CDYL2: variants seen among roughly 807,000 people sequenced by gnomAD.
CDYL2 encodes the protein chromodomain Y like 2.
In CDYL2, 23 loss-of-function variants were observed where a neutral mutation model predicts 49.4. That is an observed-to-expected ratio of 0.47 (90% CI 0.34 to 0.66). The LOEUF is 0.66. CDYL2 is among the 30% of genes least tolerant of loss of function. The pLI, the probability that CDYL2 is intolerant of heterozygous loss-of-function variation, is 0.01. For synonymous variants in CDYL2, 360 were observed against 268.8 expected (o/e 1.34, Z -3.32); for missense variants, 678 against 656.4 (o/e 1.03, Z -0.36).
At chr16:80,798,684 A>T (rs1907838348) in intron 1 of CDYL2, among the ~76,000 whole-genome samples, 1 of 152,200 alleles carries the variant, frequency 6.6e-6, no homozygotes, top group Non-Finnish European at 1.5e-5. Flanking sequence ...CTGGGAAGTC[A>T]AAAGTTATAT....
At chr16:80,723,965 A>G (rs1414275107) in intron 1 of CDYL2, among the ~76,000 whole-genome samples, 2 of 148,900 alleles carry the variant, frequency 1.3e-5, no homozygotes, top group Non-Finnish European at 3.0e-5. Flanking sequence ...GGGGAGAAAG[A>G]GGAGGGAGAG....
At chr16:80,777,021 C>T (rs1458453128) in intron 1 of CDYL2, among the ~76,000 whole-genome samples, 1 of 151,900 alleles carries the variant, frequency 6.6e-6, no homozygotes, top group Non-Finnish European at 1.5e-5. Context: ...GGGGTTTTAC[C>T]GTGTTGCCCA....
rs1197883103 is a variant in CDYL2 at position 80,804,156 on chromosome 16, A to G, written c.18T>C (p.Leu6=). 7.8e-7 allele frequency: 1 copy of G among 1,281,494 alleles called. No homozygotes were observed. Among genetic ancestry groups the G allele is most frequent in the South Asian group, 1.5e-5 (1 of 68,328 alleles). 79.4% of individuals were successfully genotyped at this position (1,281,494 alleles called of 1,614,324 possible). ...CGCCCCCGCGTCCCCGTACCTCGTA[A>G]AGGTCCCCAGAAGCCATGCCAGGCT... MASGD[L]YEVERIVDKR... The change falls in exon 1 of 7, where the codon CTT becomes CTC. Residue 6 remains leucine (L), a synonymous_variant. Coordinates refer to ENST00000570137, the MANE Select transcript of CDYL2 (RefSeq NM_152342.4).
At chr16:80,748,506 TAAAAAAAAAAA>T (rs538432449) in intron 1 of CDYL2, among the ~76,000 whole-genome samples, 369 of 19,138 alleles carry the variant, frequency 0.019, 2 homozygotes, top group Middle Eastern at 0.059. Context: ...AAAACTCCAT[TAAAAAAAAAAA>T]AAAAAAAAAA....
At chr16:80,726,632 TC>T (rs1905171063) in intron 1 of CDYL2, among the ~76,000 whole-genome samples, 1 of 152,182 alleles carries the variant, frequency 6.6e-6, no homozygotes, top group African/African-American at 2.4e-5. Context: ...AGCATTCAGA[TC>T]TTGGTTCTAA....
chr16:80,721,352 T>G (rs1236499886), intron 1 of CDYL2, among the ~76,000 whole-genome samples: 2 of 152,186 alleles, frequency 1.3e-5, no homozygotes, highest in Non-Finnish European at 1.5e-5. Context: ...CCTGAAGTCA[T>G]GTAGCAAACA....
chr16:80,755,310 G>T (rs946221659), intron 1 of CDYL2, among the ~76,000 whole-genome samples: 1 of 152,194 alleles, frequency 6.6e-6, no homozygotes, highest in Non-Finnish European at 1.5e-5. Flanking sequence ...TTGAATCCAT[G>T]TAAGGTGAAT....
intron 1 of CDYL2, among the ~76,000 whole-genome samples, chr16:80,767,847 T>C (rs1253907923): frequency 6.6e-6 from 1 of 152,212 alleles, no homozygotes; most frequent in Non-Finnish European, 1.5e-5. Flanking sequence ...GGGGTTGAGT[T>C]GTCACCAAGT....
At chr16:80,619,825 A>T (rs935047437) in intron 4 of CDYL2, among the ~76,000 whole-genome samples, 2 of 152,250 alleles carry the variant, frequency 1.3e-5, no homozygotes, top group East Asian at 1.9e-4. Context: ...TCCACACACA[A>T]GAGCATCCTA....
At chr16:80,648,606 T>TA (rs1567555289) in intron 2 of CDYL2, among the ~76,000 whole-genome samples, 1 of 149,952 alleles carries the variant, frequency 6.7e-6, no homozygotes, top group African/African-American at 2.5e-5. Context: ...CAAACTATTC[T>TA]AAAAAATAGA....
intron 1 of CDYL2, among the ~76,000 whole-genome samples, chr16:80,796,916 T>C (rs2580315): frequency 0.14 from 21,066 of 152,118 alleles, 1,780 homozygotes; most frequent in African/African-American, 0.24. Context: ...AATGACTCAC[T>C]GGTTATTAAC....
intron 2 of CDYL2, among the ~76,000 whole-genome samples, chr16:80,660,404 TCATA>T (rs1908993977): frequency 6.6e-6 from 1 of 151,796 alleles, no homozygotes; most frequent in African/African-American, 2.4e-5. Flanking sequence ...TAAGAGGACA[TCATA>T]TTTGTTAGAA....
rs138547562 is a variant in CDYL2 at position 80,639,623 on chromosome 16, C to CA, written c.617-6388dup. On this transcript the variant is annotated intron_variant, in intron 2 of 6. Coordinates refer to ENST00000570137, the MANE Select transcript of CDYL2 (RefSeq NM_152342.4). ...CATCAAATTAACAACTGTCTACACA[C>CA]AAAAAAAAATACCTTCATAAGAACA... 1,526 of 434,426 alleles carry CA rather than the reference C, an allele frequency of 3.5e-3. 9 individuals carry two copies. Among genetic ancestry groups the CA allele is most frequent in the East Asian group, 0.028 (385 of 13,800 alleles). The allele number at this position is 434,426 out of a possible 1,614,324, so 26.9% of individuals were successfully genotyped here.
At chr16:80,721,361 C>G (rs1363668685) in intron 1 of CDYL2, among the ~76,000 whole-genome samples, 1 of 152,196 alleles carries the variant, frequency 6.6e-6, no homozygotes, top group Non-Finnish European at 1.5e-5. Flanking sequence ...ATGTAGCAAA[C>G]ACACGCTGGG....
chr16:80,778,347 AAGAC>A (rs1246487462), intron 1 of CDYL2, among the ~76,000 whole-genome samples: 1 of 151,944 alleles, frequency 6.6e-6, no homozygotes, highest in African/African-American at 2.4e-5. Context: ...AACTGACAGA[AAGAC>A]AGGTAAGATG....
At chr16:80,730,927 A>G (rs1445916763) in intron 1 of CDYL2, among the ~76,000 whole-genome samples, 2 of 152,200 alleles carry the variant, frequency 1.3e-5, no homozygotes, top group Admixed American at 6.5e-5. Context: ...CAGAAAACAG[A>G]TCAGTATGGT....
chr16:80,684,412 G>A, intron 2 of CDYL2, 126 bp downstream of exon 2: 3 of 856,278 alleles, frequency 3.5e-6, no homozygotes, highest in South Asian at 1.7e-5. Context: ...GAGATGAAGG[G>A]GGAATTGCTG....
chr16:80,704,843 CAG>C (rs1229432428), intron 1 of CDYL2, among the ~76,000 whole-genome samples: 1 of 152,220 alleles, frequency 6.6e-6, no homozygotes, highest in Non-Finnish European at 1.5e-5. Flanking sequence ...AGTAAGAAAA[CAG>C]ACTCTGCTGG....
At chr16:80,653,194 G>A (rs753274588) in intron 2 of CDYL2, among the ~76,000 whole-genome samples, 11 of 152,220 alleles carry the variant, frequency 7.2e-5, no homozygotes, top group South Asian at 2.1e-4. Flanking sequence ...GGCTGGGCGC[G>A]ATGGCTCACG....
Sources: allele counts gnomAD v4.1 joint callset (sites outside exome capture counted in the v4.1 genomes callset), GRCh38; gene constraint gnomAD v4.1.1; transcripts MANE v1.5; gene names NCBI Gene and HGNC (gene_info 2026-07-23, HGNC 2026-07-21).